DLEC1: variants seen among roughly 807,000 people sequenced by gnomAD.
The protein encoded by DLEC1 is DLEC1 cilia and flagella associated protein, also known as deleted in lung and esophageal cancer protein 1.
In DLEC1, 146 loss-of-function variants were observed where a neutral mutation model predicts 198.1. The ratio of observed to expected loss-of-function variants is 0.74; its 90% CI spans 0.64 to 0.85. The LOEUF (loss-of-function observed/expected upper bound fraction) is 0.85, where lower values mean the gene tolerates loss of function less well. Among genes scored for constraint, DLEC1 ranks in the 40% least tolerant of loss-of-function variants. The pLI is 0.00. For synonymous variants in DLEC1, 897 were observed against 866.8 expected, an observed-to-expected ratio of 1.03 and a Z score of -0.61; for missense variants, 2,233 against 2,220.0, an observed-to-expected ratio of 1.01 and a Z score of -0.12.
rs368500201 is a variant in DLEC1, at chr3:38,110,179, G to A, written c.3341G>A (p.Arg1114His). The A allele has an allele frequency of 2.4e-5, 39 of 1,614,072 alleles. No homozygotes were observed. The African/African-American group carries it at 3.5e-4, about 14-fold the overall frequency. Residue 1114 changes from arginine to histidine, a missense_variant, in exon 23 of 37, where the codon CGC (arginine) becomes CAC (histidine). Arg to His is a conservative substitution (Grantham distance 29). Coordinates refer to ENST00000308059, the MANE Select transcript of DLEC1 (RefSeq NM_007335.4). ...SAVPLRTRVT[R>H]QLILTNRSPI... ...GTGCCACTGAGGACCCGTGTGACTC[G>A]CCAGCTCATTCTCACCAATCGCTCC... is the stretch of plus-strand genomic sequence containing the variant.
At chr3:38,041,314 T>G (rs1700642747) in intron 1 of DLEC1, among the ~76,000 whole-genome samples, 1 of 151,828 alleles carries the variant, frequency 6.6e-6, no homozygotes, top group African/African-American at 2.4e-5. Context: ...AATTTTTATT[T>G]TTTAAAAATT....
intron 7 of DLEC1, among the ~76,000 whole-genome samples, 181 bp downstream of exon 7, chr3:38,084,426 G>A (rs1038326326): frequency 4.9e-5 from 7 of 142,680 alleles, no homozygotes; most frequent in Admixed American, 1.4e-4. Context: ...AGTAGTGGTA[G>A]TAGTAGTAGT....
intron 2 of DLEC1, chr3:38,051,950 C>G (rs1701138488): frequency 6.0e-6 from 1 of 167,220 alleles, no homozygotes. Context: ...TAATTTATGA[C>G]ACTTAGAAAT....
At chr3:38,115,324 C>T (rs573085744) in intron 27 of DLEC1, among the ~76,000 whole-genome samples, 49 of 152,276 alleles carry the variant, frequency 3.2e-4, no homozygotes, top group Admixed American at 2.1e-3. Flanking sequence ...GGGGATACAG[C>T]GGGGACAGGA....
intron 6 of DLEC1, among the ~76,000 whole-genome samples, chr3:38,077,556 G>C (rs774699318): frequency 7.9e-5 from 12 of 152,214 alleles, no homozygotes; most frequent in Non-Finnish European, 1.5e-4. Context: ...GGGATATAAA[G>C]GTTTCCTGAA....
intron 6 of DLEC1, among the ~76,000 whole-genome samples, chr3:38,082,084 C>T (rs1269119798): frequency 9.5e-4 from 137 of 144,146 alleles, no homozygotes; most frequent in African/African-American, 3.4e-3. Flanking sequence ...TCAGACGGGG[C>T]GGCCGGGCAG....
At chr3:38,061,731 A>C (rs1170823002) in intron 3 of DLEC1, among the ~76,000 whole-genome samples, 1 of 152,136 alleles carries the variant, frequency 6.6e-6, no homozygotes, top group African/African-American at 2.4e-5. Context: ...GCAGAAGCAC[A>C]ACCATAACTC....
chr3:38,120,064 G>A (rs1390072956), intron 33 of DLEC1, among the ~76,000 whole-genome samples: 1 of 152,156 alleles, frequency 6.6e-6, no homozygotes, highest in Non-Finnish European at 1.5e-5. Flanking sequence ...ACTCATGTGT[G>A]GTCTGCAGCC....
chr3:38,092,342 C>T (rs957898391), intron 10 of DLEC1, among the ~76,000 whole-genome samples: 1 of 152,074 alleles, frequency 6.6e-6, no homozygotes, highest in African/African-American at 2.4e-5. Flanking sequence ...AATAATTGAA[C>T]TCATAAAAGC....
At chr3:38,121,343 A>G (rs1044838044) in intron 34 of DLEC1, among the ~76,000 whole-genome samples, 17 of 152,226 alleles carry the variant, frequency 1.1e-4, no homozygotes, top group African/African-American at 3.9e-4. Flanking sequence ...AGGAGCAGTG[A>G]AGGAGGGCAG....
At chr3:38,051,872 C>T (rs954795792) in intron 2 of DLEC1, 2 of 153,854 alleles carry the variant, frequency 1.3e-5, no homozygotes, top group African/African-American at 2.4e-5. Context: ...AAAGTTATAA[C>T]TTGAATGATG....
chr3:38,054,678 A>G (rs1212062151), intron 2 of DLEC1, among the ~76,000 whole-genome samples: 1 of 152,250 alleles, frequency 6.6e-6, no homozygotes, highest in Non-Finnish European at 1.5e-5. Context: ...CACAGCCCTG[A>G]GAAGTGGCCC....
At chr3:38,105,188 T>C (rs911898831) in intron 19 of DLEC1, among the ~76,000 whole-genome samples, 1 of 152,222 alleles carries the variant, frequency 6.6e-6, no homozygotes, top group African/African-American at 2.4e-5. Flanking sequence ...TTAAAACTTA[T>C]TGAGACTTGT....
chr3:38,073,827 C>G (rs1413604351), intron 6 of DLEC1, among the ~76,000 whole-genome samples: 1 of 152,144 alleles, frequency 6.6e-6, no homozygotes, highest in African/African-American at 2.4e-5. Flanking sequence ...GTCGATTAAA[C>G]AGGGGATGGA....
chr3:38,055,193 C>T (rs185452010), intron 2 of DLEC1, among the ~76,000 whole-genome samples: 1 of 152,284 alleles, frequency 6.6e-6, no homozygotes, highest in Non-Finnish European at 1.5e-5. Context: ...GGATGAGGCA[C>T]AGCACACATT....
At chr3:38,061,492 G>C (rs924887685) in intron 3 of DLEC1, among the ~76,000 whole-genome samples, 1 of 152,138 alleles carries the variant, frequency 6.6e-6, no homozygotes, top group Non-Finnish European at 1.5e-5. Flanking sequence ...GGGGGTGGGG[G>C]ATGATCTTAA....
chr3:38,077,278 T>A (rs1191906934), intron 6 of DLEC1, among the ~76,000 whole-genome samples: 1 of 151,550 alleles, frequency 6.6e-6, no homozygotes, highest in African/African-American at 2.4e-5. Flanking sequence ...AGAATAGGAG[T>A]ATGACTAGAC....
intron 6 of DLEC1, among the ~76,000 whole-genome samples, chr3:38,077,476 G>C (rs999701375): frequency 1.3e-5 from 2 of 152,220 alleles, no homozygotes; most frequent in Non-Finnish European, 2.9e-5. Context: ...GTTGGTGGCT[G>C]AGCTTGGTGA....
intron 23 of DLEC1, 79 bp downstream of exon 23, chr3:38,110,360 G>A: frequency 6.6e-7 from 1 of 1,525,932 alleles, no homozygotes; most frequent in Non-Finnish European, 9.0e-7. Context: ...TGTGGCTTAG[G>A]TGGCCAGTGG....
Sources: gnomAD v4.1 joint callset for allele counts (sites outside exome capture counted in the v4.1 genomes callset) on GRCh38, gnomAD v4.1.1 for gene constraint, MANE v1.5 for transcripts, NCBI Gene and HGNC (gene_info 2026-07-23, HGNC 2026-07-21) for gene names.